MUC4: variants seen among roughly 807,000 people sequenced by gnomAD.
The protein encoded by MUC4 is mucin-4.
MUC4 carries 202 observed loss-of-function variants against 257.9 expected under a neutral mutation model. The observed-to-expected ratio is 0.78, with a 90% CI of 0.70 to 0.88. The LOEUF (loss-of-function observed/expected upper bound fraction) is 0.88. Ranked by LOEUF, MUC4 falls within the 40% of genes least tolerant of loss-of-function variation. MUC4 has a pLI of 0.00. For missense variants in MUC4, 5,976 were observed against 6,513.7 expected, an observed-to-expected ratio of 0.92 and a Z score of 2.84; for synonymous variants, 2,351 against 2,757.1, an observed-to-expected ratio of 0.85 and a Z score of 4.62.
rs1198120698 is a variant in MUC4, at chr3:195,786,154, A to T, written c.5426T>A (p.Leu1809His). The T allele has an allele frequency of 6.5e-7, 1 of 1,529,808 alleles. No homozygotes were observed. Among genetic ancestry groups the T allele is most frequent in the East Asian group, 2.4e-5 (1 of 40,956 alleles). 94.8% of individuals were successfully genotyped at this position (1,529,808 alleles called of 1,614,324 possible). A position where few individuals can be genotyped will look rare whatever the true frequency, so the allele number is the denominator to read the frequency against. ...SSASTGQAIPLPVTSPSSAST... is the reference protein window; with the variant it reads ...SSASTGQAIPHPVTSPSSAST... ...TGCTGAGGAAGGGCTGGTGACAGGA[A>T]GAGGGATGGCCTGACCTGTGGATGC... Residue 1809 changes from leucine to histidine, a missense_variant, in exon 2 of 25, where the codon CTT (leucine) becomes CAT (histidine). Coordinates refer to ENST00000463781, the MANE Select transcript of MUC4 (RefSeq NM_018406.7).
chr3:195,783,577 C>A lies in MUC4; in HGVS notation c.8003G>T (p.Gly2668Val). Residue 2668 changes from glycine (G) to valine (V), a missense_variant, in exon 2 of 25, where the codon GGT becomes GTT. Gly to Val is a moderately radical substitution (Grantham distance 109). Coordinates refer to ENST00000463781, the MANE Select transcript of MUC4 (RefSeq NM_018406.7). ...AGTGACAGGAAGAGGCGTGGTGTCA[C>A]CTGTGGATACTGAGGAAAGGCTGGT... ...PVTSLSSVSTGDTTPLPVTSP... is the reference protein window; with the variant it reads ...PVTSLSSVSTVDTTPLPVTSP... The A allele has an allele frequency of 3.2e-6, 1 of 315,082 alleles. No individual in the cohort carries two copies. The highest frequency in any genetic ancestry group is 5.5e-6 in the Non-Finnish European group (1 of 181,796). 19.5% of individuals were successfully genotyped at this position (315,082 alleles called of 1,614,324 possible).
intron 1 of MUC4, among the ~76,000 whole-genome samples, chr3:195,807,755 A>G (rs1204618558): frequency 6.6e-6 from 1 of 152,248 alleles, no homozygotes; most frequent in Non-Finnish European, 1.5e-5. Context: ...GCACCGTGAA[A>G]TCAGAGAAAA....
chr3:195,752,652 C>T, intron 20 of MUC4: 1 of 610,340 alleles, frequency 1.6e-6, no homozygotes, highest in Non-Finnish European at 2.9e-6. Flanking sequence ...CCCTACATTC[C>T]ACAGTGACAG....
chr3:195,777,815 C>A (rs1578174054), intron 3 of MUC4, among the ~76,000 whole-genome samples: 6 of 91,716 alleles, frequency 6.5e-5, no homozygotes, highest in Non-Finnish European at 1.1e-4. Context: ...CACACCCATA[C>A]CTTCCACACC....
At chr3:195,752,160 C>T (rs1716567640) in intron 21 of MUC4, 1 of 574,400 alleles carries the variant, frequency 1.7e-6, no homozygotes, top group South Asian at 2.3e-5. Flanking sequence ...TGACTTGGCA[C>T]CCTGGCCTCT....
At position 195,779,155 on chromosome 3, in the gene MUC4, G is replaced by C. The variant is rs1224732667; in HGVS notation, c.12425C>G (p.Thr4142Ser). The change falls in exon 2 of 25, where the codon ACC becomes AGC. Residue 4142 changes from threonine (T) to serine (S), a missense_variant. Physicochemically the swap from Thr to Ser is moderately conservative, Grantham distance 58 (BLOSUM62 1). Transcript: ENST00000463781. Reference sequence around the variant, plus strand: ...AGGGATGGTGACAGGAAGAGGCGTGGTGTCACCTGTGGATACTGAGGAAAG... The same window carrying C: ...AGGGATGGTGACAGGAAGAGGCGTGCTGTCACCTGTGGATACTGAGGAAAG... Reference protein sequence around the residue: ...TSLSSVSTGDTTPLPVTIPSS... With the variant: ...TSLSSVSTGDSTPLPVTIPSS... The C allele has an allele frequency of 8.6e-6, 12 of 1,403,034 alleles. 1 individual carries two copies. In the Admixed American group the frequency reaches 2.1e-4, roughly 24 times the overall value. The allele number at this position is 1,403,034 out of a possible 1,614,324, so 86.9% of individuals were successfully genotyped here.
Position 195,757,751 on chromosome 3 carries a change from C to A in MUC4, c.14987-423G>T, listed in dbSNP as rs1717949643. ...TCCTTTGCCCTGATTTCTCACCCAC[C>A]CCCCACTTCCTGGACCTTTCCCAGA... On this transcript the variant is annotated intron_variant, in intron 17 of 24. Transcript: ENST00000463781. The surrounding 1 kb of genome is among the most constrained non-coding windows in gnomAD (Gnocchi z 4.8). Among the ~76,000 whole-genome samples, 1 of 152,072 alleles carries A rather than the reference C, an allele frequency of 6.6e-6. No individual in the cohort carries two copies. Among genetic ancestry groups the A allele is most frequent in the Admixed American group, 6.6e-5 (1 of 15,260 alleles).
In MUC4 at chr3:195,790,909, AAAG is replaced by A. The variant is rs778668468; in HGVS notation, c.668_670del (p.Ser223del). On this transcript the variant is annotated inframe_deletion, in exon 2 of 25. Transcript: ENST00000463781. ...TGTCACATTGTGTACACTTGGAGAGAAAGAAGGAGTTGAAGTGGTTCTGTGTGT... is the reference window on the plus strand; with the variant it reads ...TGTCACATTGTGTACACTTGGAGAGAAAGGAGTTGAAGTGGTTCTGTGTGT... 6.2e-7 allele frequency: 1 copy of A among 1,613,428 alleles called. No individual in the cohort carries two copies. Among genetic ancestry groups the A allele is most frequent in the Non-Finnish European group, 8.5e-7 (1 of 1,179,734 alleles).
At position 195,798,050 on chromosome 3, in the gene MUC4, C is replaced by T. The variant is rs148159167; in HGVS notation, c.83-6553G>A. Among the ~76,000 whole-genome samples, 5 of 152,180 alleles carry T rather than the reference C, an allele frequency of 3.3e-5. No individual in the cohort carries two copies. The East Asian group carries it at 7.7e-4, about 23-fold the overall frequency. Reference sequence around the variant, plus strand: ...GGAGGATCACTTGAGCCCAAGAGTTCGAGGCTGCAGTGAGCTATGATCACC... The same window carrying T: ...GGAGGATCACTTGAGCCCAAGAGTTTGAGGCTGCAGTGAGCTATGATCACC... On this transcript the variant is annotated intron_variant, in intron 1 of 24. Coordinates refer to ENST00000463781, the MANE Select transcript of MUC4 (RefSeq NM_018406.7).
intron 20 of MUC4, among the ~76,000 whole-genome samples, chr3:195,752,777 T>C (rs979421969): frequency 6.6e-6 from 1 of 152,088 alleles, no homozygotes; most frequent in Non-Finnish European, 1.5e-5. Flanking sequence ...TCCACTATGC[T>C]CCGGGCCTCC....
Position 195,790,334 on chromosome 3 carries a change from C to T in MUC4, c.1246G>A (p.Gly416Arg). 1 of 1,613,938 alleles carries T rather than the reference C, an allele frequency of 6.2e-7. No homozygotes were observed. The highest frequency in any genetic ancestry group is 1.1e-5 in the South Asian group (1 of 91,084). Residue 416 changes from glycine to arginine, a missense_variant, in exon 2 of 25, where the codon GGA (glycine) becomes AGA (arginine). Gly to Arg is a moderately radical substitution (Grantham distance 125). Around this residue, in one of 44 missense-constraint regions of MUC4, gnomAD observed 1,583 missense variants for 1,257.4 expected, o/e 1.26. Transcript: ENST00000463781. ...NTEETSLSVS[G>R]TISAITSKVS... ...TTGGAAGTGATTGCAGAAATGGTTC[C>T]ACTTACAGATAGTGATGTCTCCTCT...
At position 195,762,134 on chromosome 3, in the gene MUC4, G is replaced by T. The variant is rs1478821650; in HGVS notation, c.14465C>A (p.Ser4822Tyr). 6.2e-7 allele frequency: 1 copy of T among 1,608,244 alleles called. No homozygotes were observed. The stretch of plus-strand genomic sequence containing the variant: ...CTGGTACTCGGGCGGGAGGCTGGCG[G>T]AGGCGTGGAGGATGTTGGAGAGCGC... ...VIALSNILHA[S>Y]ASLPPEYQNR... The change falls in exon 14 of 25, where the codon TCC (serine) becomes TAC (tyrosine). Residue 4822 changes from serine to tyrosine, a missense_variant. Ser to Tyr is a moderately radical substitution (Grantham distance 144). Coordinates refer to ENST00000463781, the MANE Select transcript of MUC4 (RefSeq NM_018406.7).
intron 1 of MUC4, among the ~76,000 whole-genome samples, chr3:195,801,810 G>GC (rs893892542): frequency 2.2e-4 from 33 of 150,706 alleles, no homozygotes; most frequent in East Asian, 1.2e-3. Context: ...TGTGTATTGC[G>GC]CCCCCCCCTC....
Position 195,779,689 on chromosome 3 carries a change from C to T in MUC4, c.11891G>A (p.Gly3964Asp), listed in dbSNP as rs564784853. Residue 3964 changes from glycine (G) to aspartate (D), a missense_variant, in exon 2 of 25, where the codon GGT becomes GAT. Gly to Asp is a moderately conservative substitution (Grantham distance 94, BLOSUM62 -1). Around this residue, in one of 44 missense-constraint regions of MUC4, gnomAD observed 293 missense variants for 294.5 expected, o/e 1.00. Coordinates refer to ENST00000463781, the MANE Select transcript of MUC4 (RefSeq NM_018406.7). ...PVTDTSSVST[G>D]HATSLPVTSR... is the part of the protein sequence containing the mutation. ...GGTGACAGGAAGAGAGGTGGCGTGA[C>T]CTGTGGATACTGAGGAAGTGTCGGT... 3 of 1,231,406 alleles carry T rather than the reference C, an allele frequency of 2.4e-6. No individual in the cohort carries two copies. Among genetic ancestry groups the T allele is most frequent in the African/African-American group, 2.0e-5 (1 of 49,630 alleles). 76.3% of individuals were successfully genotyped at this position (1,231,406 alleles called of 1,614,324 possible).
At chr3:195,751,605 G>A (rs1195375147) in intron 21 of MUC4, 1 of 432,418 alleles carries the variant, frequency 2.3e-6, no homozygotes, top group African/African-American at 2.0e-5. Flanking sequence ...TTGAACATGG[G>A]TTGTTTAGAC....
chr3:195,765,762 T>C (rs376620457), intron 8 of MUC4, among the ~76,000 whole-genome samples: 77 of 152,356 alleles, frequency 5.1e-4, no homozygotes, highest in Middle Eastern at 3.4e-3. Flanking sequence ...TTCTTTCCCA[T>C]TGGGGCCTCT....
rs778886332 is a variant in MUC4, at chr3:195,780,635, GA to G, written c.10944del (p.Leu3649PhefsTer610). 6.6e-7 allele frequency: 1 copy of G among 1,509,826 alleles called. No homozygotes were observed. The highest frequency in any genetic ancestry group is 1.8e-5 in the African/African-American group (1 of 54,550). The allele number at this position is 1,509,826 out of a possible 1,614,324, so 93.5% of individuals were successfully genotyped here. A position where few individuals can be genotyped will look rare whatever the true frequency, so the allele number is the denominator to read the frequency against. Reference protein sequence around the residue: ...LSSVSTGDTTPLLVTDASSVS... With the variant: ...LSSVSTGDTTXLLVTDASSVS... ...ACTGAGGAAGCGTCGGTGACAAGAA[GA>G]GGGGTGGTGTCACCTGTGGATACTG... On this transcript the variant is annotated frameshift_variant, in exon 2 of 25. Coordinates refer to ENST00000463781, the MANE Select transcript of MUC4 (RefSeq NM_018406.7). LOFTEE classifies it high-confidence loss of function.
At position 195,786,485 on chromosome 3, in the gene MUC4, C is replaced by A; in HGVS notation, c.5095G>T (p.Val1699Phe). The change falls in exon 2 of 25, where the codon GTC becomes TTC. Residue 1699 changes from valine (V) to phenylalanine (F), a missense_variant. Transcript: ENST00000463781. ...ATTDDTTRLP[V>F]TDVSSASTGQ... The stretch of plus-strand genomic sequence containing the variant: ...GTGGATGCCGAGGAAACGTCGGTGA[C>A]AGGAAGACGGGTGGTGTCATCTGTG... 2 of 1,525,512 alleles carry A rather than the reference C, an allele frequency of 1.3e-6. No individual in the cohort carries two copies. The highest frequency in any genetic ancestry group is 1.8e-6 in the Non-Finnish European group (2 of 1,132,044). 94.5% of individuals were successfully genotyped at this position (1,525,512 alleles called of 1,614,324 possible).
chr3:195,801,747 A>G lies in MUC4; in HGVS notation c.82+9989T>C, dbSNP rs112111822. Among the ~76,000 whole-genome samples the G allele has an allele frequency of 3.3e-5, 5 of 151,968 alleles. 1 individual carries two copies. The highest frequency in any genetic ancestry group is 1.2e-4 in the African/African-American group (5 of 41,414). On this transcript the variant is annotated intron_variant, in intron 1 of 24. Transcript: ENST00000463781. ...GCAAAAACGATTTTCTCCAGTCCTC[A>G]CGCGTCTCATCAGTTCGGCCCCATC...
Sources: gnomAD v4.1 joint callset for allele counts (sites outside exome capture counted in the v4.1 genomes callset) on GRCh38, gnomAD v4.1.1 for gene constraint, gnomAD v4.1.1 regional missense constraint, Gnocchi (gnomAD v3.1) non-coding constraint, MANE v1.5 for transcripts, NCBI Gene and HGNC (gene_info 2026-07-23, HGNC 2026-07-21) for gene names.